SHANK2: variants seen among roughly 807,000 people sequenced by gnomAD.
The protein encoded by SHANK2 is SH3 and multiple ankyrin repeat domains protein 2.
A neutral mutation model predicts 133.7 loss-of-function variants in SHANK2; 43 were observed. The ratio of observed to expected loss-of-function variants is 0.32; its 90% confidence interval spans 0.25 to 0.41. The LOEUF is 0.41. SHANK2 is among the 10% of genes least tolerant of loss of function. SHANK2 has a pLI of 1.00. For synonymous variants in SHANK2, 1,017 were observed against 952.8 expected, an observed-to-expected ratio of 1.07 and a Z score of -1.24; for missense variants, 1,994 against 2,235.8, an observed-to-expected ratio of 0.89 and a Z score of 2.18.
At chr11:71,201,027 A>T (rs1424381296) in intron 2 of SHANK2, among the ~76,000 whole-genome samples, 1 of 152,034 alleles carries the variant, frequency 6.6e-6, no homozygotes, top group African/African-American at 2.4e-5. Flanking sequence ...AAACAACATA[A>T]AGCCCCCACA....
chr11:70,680,968 G>T (rs1555018261), intron 15 of SHANK2, among the ~76,000 whole-genome samples: 1 of 152,138 alleles, frequency 6.6e-6, no homozygotes, highest in East Asian at 1.9e-4. Flanking sequence ...ACTCTCCCTG[G>T]GTGTGAACCA....
chr11:70,718,555 A>T (rs953448909), intron 14 of SHANK2, among the ~76,000 whole-genome samples: 1 of 152,218 alleles, frequency 6.6e-6, no homozygotes, highest in South Asian at 2.1e-4. Context: ...GTCAGGGCAC[A>T]GGGCTGGGGG....
chr11:70,849,286 TTAA>T (rs1470310964), intron 11 of SHANK2, among the ~76,000 whole-genome samples: 1 of 152,098 alleles, frequency 6.6e-6, no homozygotes, highest in Non-Finnish European at 1.5e-5. Context: ...TCTCAATATA[TTAA>T]TATGTATACA....
chr11:71,144,691 A>T (rs1952613312), intron 3 of SHANK2, among the ~76,000 whole-genome samples: 1 of 152,256 alleles, frequency 6.6e-6, no homozygotes, highest in Non-Finnish European at 1.5e-5. Context: ...AAAGAAAAAA[A>T]ATTCCAGCCT....
intron 24 of SHANK2, among the ~76,000 whole-genome samples, chr11:70,488,117 AT>A (rs1203114664): frequency 4.6e-5 from 7 of 152,096 alleles, no homozygotes; most frequent in African/African-American, 1.7e-4. Flanking sequence ...TTGTGCTGGC[AT>A]TGTGGCATTG....
intron 14 of SHANK2, among the ~76,000 whole-genome samples, chr11:70,756,977 G>A (rs1555039063): frequency 2.6e-5 from 4 of 152,124 alleles, no homozygotes; most frequent in African/African-American, 7.2e-5. Context: ...TTGCGCCCCC[G>A]TCTGCAAAAT....
At chr11:71,178,579 A>T (rs1173185807) in intron 2 of SHANK2, among the ~76,000 whole-genome samples, 1 of 152,254 alleles carries the variant, frequency 6.6e-6, no homozygotes, top group African/African-American at 2.4e-5. Context: ...AAGATGATAG[A>T]TATTATGCTA....
intron 17 of SHANK2, among the ~76,000 whole-genome samples, chr11:70,586,688 C>G (rs1245475144): frequency 6.6e-6 from 1 of 152,240 alleles, no homozygotes; most frequent in Non-Finnish European, 1.5e-5. Context: ...AAAAGCATTT[C>G]CTTCCCTTAT....
At chr11:70,836,041 C>T (rs1454677074) in intron 11 of SHANK2, among the ~76,000 whole-genome samples, 1 of 152,206 alleles carries the variant, frequency 6.6e-6, no homozygotes, top group African/African-American at 2.4e-5. Flanking sequence ...AGAGAGCCCA[C>T]CAAGGTGCAG....
chr11:70,544,695 T>C (rs1554975898), intron 17 of SHANK2, among the ~76,000 whole-genome samples: 3 of 152,206 alleles, frequency 2.0e-5, no homozygotes, highest in Non-Finnish European at 2.9e-5. Context: ...CACAGGTCTT[T>C]CATCCGGTAG....
intron 9 of SHANK2, among the ~76,000 whole-genome samples, chr11:71,065,914 G>A (rs1275398668): frequency 4.9e-4 from 46 of 93,132 alleles, no homozygotes; most frequent in South Asian, 9.3e-4. Context: ...GGAGATGAGC[G>A]GTGAGTGGGG....
At chr11:71,190,232 C>T (rs1360729987) in intron 2 of SHANK2, among the ~76,000 whole-genome samples, 12 of 152,220 alleles carry the variant, frequency 7.9e-5, no homozygotes, top group African/African-American at 2.9e-4. Flanking sequence ...TAGAAGATGG[C>T]CTTGCCCCTT....
intron 1 of SHANK2, among the ~76,000 whole-genome samples, chr11:71,229,589 T>C (rs1954702621): frequency 6.6e-6 from 1 of 151,708 alleles, no homozygotes; most frequent in Non-Finnish European, 1.5e-5. Flanking sequence ...GCCAACATGG[T>C]GAAACCCCGT....
Position 70,496,912 on chromosome 11 carries a change from G to T in SHANK2, c.2308+3658C>A, listed in dbSNP as rs188602367. 1,738 of 455,806 alleles carry T rather than the reference G, an allele frequency of 3.8e-3. 8 individuals carry two copies. The highest frequency in any genetic ancestry group is 5.9e-3 in the Non-Finnish European group (1,329 of 226,518). 28.2% of individuals were successfully genotyped at this position (455,806 alleles called of 1,614,324 possible). ...TCACAGTCGCCACATCAGAGGGTGG[G>T]GCTGGTCATGTCATTGAAGGTGCAT... On this transcript the variant is annotated intron_variant, in intron 21 of 25. Transcript: ENST00000601538.
chr11:70,485,211 T>C lies in SHANK2; in HGVS notation c.4979+103A>G. 1.0e-6 allele frequency: 1 copy of C among 979,126 alleles called. No individual in the cohort carries two copies. Among genetic ancestry groups the C allele is most frequent in the East Asian group, 2.4e-5 (1 of 41,318 alleles). 60.7% of individuals were successfully genotyped at this position (979,126 alleles called of 1,614,324 possible). ...ACGTGGCCCACACAGGCTTTACGAATTCCCCTCTTCGTGTCCGCTGGGGCT... is the reference window on the plus strand; with the variant it reads ...ACGTGGCCCACACAGGCTTTACGAACTCCCCTCTTCGTGTCCGCTGGGGCT... On this transcript the variant is annotated intron_variant, in intron 25 of 25. Transcript: ENST00000601538. The surrounding 1 kb of genome is among the most constrained non-coding windows in gnomAD (Gnocchi z 5.8).
chr11:71,196,345 G>T (rs1401671924), intron 2 of SHANK2, among the ~76,000 whole-genome samples: 1 of 151,978 alleles, frequency 6.6e-6, no homozygotes, highest in Non-Finnish European at 1.5e-5. Flanking sequence ...GAATGCAGTG[G>T]CATGATCTTG....
intron 15 of SHANK2, among the ~76,000 whole-genome samples, chr11:70,672,583 C>T (rs1290180969): frequency 6.6e-6 from 1 of 152,260 alleles, no homozygotes; most frequent in Non-Finnish European, 1.5e-5. Context: ...GCTGCTGTCC[C>T]TGCAGGTCCC....
rs145840191 is a variant in SHANK2 at position 71,180,519 on chromosome 11, G to A, written c.-12-33181C>T. On this transcript the variant is annotated intron_variant, in intron 2 of 25. Transcript: ENST00000601538. ...CATCTAACAGCGCTTTGTACAAGAA[G>A]TCGACAGTGAAAGTCTAGGTTGCAA... 3.2e-3 allele frequency among the ~76,000 whole-genome samples: 481 copies of A among 152,150 alleles called. 4 individuals are homozygous for A. The highest frequency in any genetic ancestry group is 0.014 in the South Asian group (66 of 4,822).
intron 13 of SHANK2, among the ~76,000 whole-genome samples, chr11:70,803,885 T>C (rs146977216): frequency 0.01 from 1,576 of 152,064 alleles, 29 homozygotes; most frequent in African/African-American, 0.036. Flanking sequence ...CCCCTTATTT[T>C]AGAAGAAAAA....
Sources: allele counts gnomAD v4.1 joint callset (sites outside exome capture counted in the v4.1 genomes callset), GRCh38; gene constraint gnomAD v4.1.1; non-coding constraint Gnocchi (gnomAD v3.1); transcripts MANE v1.5; gene names NCBI Gene and HGNC (gene_info 2026-07-23, HGNC 2026-07-21).